SYT14: variants seen among roughly 807,000 people sequenced by gnomAD.
The protein encoded by SYT14 is synaptotagmin-14.
SYT14 carries 32 observed loss-of-function variants against 74.2 expected under a neutral mutation model. That is an observed-to-expected ratio of 0.43 (90% confidence interval 0.33 to 0.58). The LOEUF (loss-of-function observed/expected upper bound fraction) is 0.58. Ranked by LOEUF, SYT14 falls within the 20% of genes least tolerant of loss-of-function variation. The probability of loss-of-function intolerance (pLI) is 0.05; values close to 1 mark genes in which losing one functional copy is unlikely to be tolerated. For missense variants in SYT14, 791 were observed against 981.8 expected, an observed-to-expected ratio of 0.81 and a Z score of 2.60; for synonymous variants, 298 against 337.7, an observed-to-expected ratio of 0.88 and a Z score of 1.29.
At chr1:210,023,911 C>T (rs564063711) in intron 5 of SYT14, among the ~76,000 whole-genome samples, 2 of 152,010 alleles carry the variant, frequency 1.3e-5, no homozygotes, top group East Asian at 1.9e-4. Flanking sequence ...TAAAATGTAG[C>T]GAATATTTCA....
At chr1:210,096,976 T>A (rs911096375) in intron 6 of SYT14, among the ~76,000 whole-genome samples, 2 of 152,234 alleles carry the variant, frequency 1.3e-5, no homozygotes, top group Non-Finnish European at 2.9e-5. Flanking sequence ...TCACACACTG[T>A]GAGTTTTGTC....
At chr1:209,968,734 T>A (rs2079196193) in intron 2 of SYT14, among the ~76,000 whole-genome samples, 1 of 151,862 alleles carries the variant, frequency 6.6e-6, no homozygotes, top group Admixed American at 6.6e-5. Context: ...TTCTTTTTTT[T>A]TTTTTAATAA....
At chr1:210,167,475 G>T (rs2083467920) in exon 10 of SYT14, 1 of 152,130 alleles carries the variant, frequency 6.6e-6, no homozygotes, top group South Asian at 2.1e-4. Context: ...AGGTACATCT[G>T]AGTTTCCATT....
At chr1:210,151,513 C>CTT (rs1553289498) in intron 7 of SYT14, among the ~76,000 whole-genome samples, 59 of 131,350 alleles carry the variant, frequency 4.5e-4, no homozygotes, top group African/African-American at 1.5e-3. Context: ...TGCCCCCCCC[C>CTT]TTTTTTTTTT....
chr1:210,094,201 T>A (rs2081927440), intron 5 of SYT14, 121 bp from the exon 5 acceptor site: 10 of 1,322,650 alleles, frequency 7.6e-6, no homozygotes, highest in Non-Finnish European at 1.1e-5. Context: ...TTAGTAAATC[T>A]AATAGTTATG....
chr1:210,083,036 A>G (rs1012220483), intron 5 of SYT14, among the ~76,000 whole-genome samples: 1 of 151,488 alleles, frequency 6.6e-6, no homozygotes, highest in Non-Finnish European at 1.5e-5. Flanking sequence ...GCTGGAGTGC[A>G]GTGGCATGAT....
chr1:210,130,873 T>G (rs2082659140), intron 7 of SYT14, among the ~76,000 whole-genome samples: 1 of 152,220 alleles, frequency 6.6e-6, no homozygotes, highest in African/African-American at 2.4e-5. Context: ...TACTTCTGTA[T>G]TCCTATTTTA....
chr1:210,108,595 G>A (rs924437543), intron 7 of SYT14, among the ~76,000 whole-genome samples: 1 of 151,594 alleles, frequency 6.6e-6, no homozygotes, highest in Non-Finnish European at 1.5e-5. Flanking sequence ...GAGAGCCTTG[G>A]GCATGTTTAA....
intron 5 of SYT14, among the ~76,000 whole-genome samples, chr1:210,055,653 C>T (rs1439680950): frequency 7.4e-6 from 1 of 134,702 alleles, no homozygotes; most frequent in Non-Finnish European, 1.6e-5. Context: ...CGCATCTCTA[C>T]AAAAAAAAAA....
At chr1:210,125,068 C>CTT (rs568036122) in intron 7 of SYT14, among the ~76,000 whole-genome samples, 8 of 145,042 alleles carry the variant, frequency 5.5e-5, no homozygotes, top group Non-Finnish European at 1.1e-4. Context: ...CATTCTTTTT[C>CTT]TTTTTTTTTT....
chr1:210,083,161 T>TTTGTA (rs1476231498), intron 5 of SYT14, among the ~76,000 whole-genome samples: 1 of 152,036 alleles, frequency 6.6e-6, no homozygotes, highest in African/African-American at 2.4e-5. Context: ...TTGGGGTTTT[T>TTTGTA]TTGTATTTTT....
chr1:210,044,756 T>C (rs2080854458), intron 5 of SYT14, among the ~76,000 whole-genome samples: 1 of 152,212 alleles, frequency 6.6e-6, no homozygotes, highest in Non-Finnish European at 1.5e-5. Context: ...AGAAGTTCAA[T>C]TGGCTTACAG....
chr1:209,976,965 T>C (rs1462186999), intron 2 of SYT14, among the ~76,000 whole-genome samples: 3 of 152,144 alleles, frequency 2.0e-5, no homozygotes, highest in Admixed American at 6.5e-5. Context: ...TGTAATGGCC[T>C]TCTTTGTCTC....
At chr1:210,066,141 G>A (rs2081291759) in intron 5 of SYT14, among the ~76,000 whole-genome samples, 2 of 151,940 alleles carry the variant, frequency 1.3e-5, no homozygotes, top group South Asian at 4.2e-4. Flanking sequence ...GGACATTTGG[G>A]TTGGTTCCAA....
intron 7 of SYT14, among the ~76,000 whole-genome samples, chr1:210,134,248 G>A (rs2082735431): frequency 6.6e-6 from 1 of 151,820 alleles, no homozygotes; most frequent in South Asian, 2.1e-4. Context: ...GACCACAGGT[G>A]CATGCCACCA....
intron 2 of SYT14, among the ~76,000 whole-genome samples, chr1:210,006,199 A>T (rs970880425): frequency 2.0e-5 from 3 of 151,950 alleles, no homozygotes; most frequent in Non-Finnish European, 4.4e-5. Context: ...TGTTTTTTAT[A>T]AAATCTGGAG....
chr1:209,960,924 A>G lies in SYT14; in HGVS notation c.-486+8168A>G, dbSNP rs533285774. 1.4e-3 allele frequency among the ~76,000 whole-genome samples: 220 copies of G among 152,294 alleles called. 1 individual carries two copies. The highest frequency in any genetic ancestry group is 5.0e-3 in the African/African-American group (209 of 41,576). On this transcript the variant is annotated intron_variant, in intron 2 of 9. Transcript: ENST00000637265. ...AAAATTTGGAGACAACAGGTAGATTACTGTTACTAAAGCTAGGGGAGAGGC... is the reference window on the plus strand; with the variant it reads ...AAAATTTGGAGACAACAGGTAGATTGCTGTTACTAAAGCTAGGGGAGAGGC...
chr1:209,949,325 A>G (rs1205175500), intron 1 of SYT14, among the ~76,000 whole-genome samples: 2 of 152,160 alleles, frequency 1.3e-5, no homozygotes, highest in African/African-American at 4.8e-5. Flanking sequence ...CTGTAATCCT[A>G]GCACTATGGG....
intron 7 of SYT14, among the ~76,000 whole-genome samples, chr1:210,119,075 TGATA>T (rs1405055199): frequency 6.6e-6 from 1 of 152,226 alleles, no homozygotes; most frequent in African/African-American, 2.4e-5. Flanking sequence ...CTATTTTTAA[TGATA>T]GATATGAATA....
Sources: gnomAD v4.1 joint callset for allele counts (sites outside exome capture counted in the v4.1 genomes callset) on GRCh38, gnomAD v4.1.1 for gene constraint, MANE v1.5 for transcripts, NCBI Gene and HGNC (gene_info 2026-07-23, HGNC 2026-07-21) for gene names.